Variants in CA3 observed in about 807,000 individuals in gnomAD.
CA3 encodes the protein CA-III.
In CA3, 30 loss-of-function variants were observed where a neutral mutation model predicts 35.7. The ratio of observed to expected loss-of-function variants is 0.84; its 90% CI spans 0.63 to 1.14. The LOEUF is 1.14. Ranked by LOEUF, CA3 falls within the 50% of genes most tolerant of loss-of-function variation. CA3 has a pLI of 0.00. For synonymous variants in CA3, 131 were observed against 130.8 expected (o/e 1.00, Z -0.01); for missense variants, 295 against 328.5 (o/e 0.90, Z 0.79).
In CA3 at chr8:85,445,533, C is replaced by CACACACACAT. The variant is rs1554708008; in HGVS notation, c.507+324_507+325insTACACACACA. 3.9e-3 allele frequency among the ~76,000 whole-genome samples: 546 copies of CACACACACAT among 141,478 alleles called. 39 individuals are homozygous for CACACACACAT. Among genetic ancestry groups the CACACACACAT allele is most frequent in the African/African-American group, 0.013 (494 of 37,648 alleles). 92.8% of individuals were successfully genotyped at this position (141,478 alleles called of 152,430 possible). On this transcript the variant is annotated intron_variant, in intron 5 of 6. Coordinates refer to ENST00000285381, the MANE Select transcript of CA3 (RefSeq NM_005181.4). The stretch of plus-strand genomic sequence containing the variant: ...ACACACACACACACACACACACACA[C>CACACACACAT]ACACACACACACTGCATATATGCAT...
chr8:85,443,150 A>G (rs1322726811), intron 3 of CA3, among the ~76,000 whole-genome samples: 2 of 152,210 alleles, frequency 1.3e-5, no homozygotes, highest in African/African-American at 2.4e-5. Flanking sequence ...AGATATGTGT[A>G]CACACATACC....
In CA3 at chr8:85,448,263, GAGC is replaced by G. The variant is rs1811321382; in HGVS notation, c.*112_*114del. 1 of 1,168,902 alleles carries G rather than the reference GAGC, an allele frequency of 8.6e-7. No homozygotes were observed. Among genetic ancestry groups the G allele is most frequent in the Admixed American group, 2.9e-5 (1 of 34,724 alleles). The allele number at this position is 1,168,902 out of a possible 1,614,324, so 72.4% of individuals were successfully genotyped here. ...CAAGTCTATTTCATTTTTCCACACT[GAGC>G]AATGAATGTGAGAGATGTGGTCACC... is the stretch of plus-strand genomic sequence containing the variant. On this transcript the variant is annotated 3_prime_UTR_variant, in exon 7 of 7. Transcript: ENST00000285381.
At position 85,448,158 on chromosome 8, in the gene CA3, G is replaced by C. The variant is rs1212609697; in HGVS notation, c.*5G>C. ...GTGAGAGCTTCCTTCAAATGAGGCT[G>C]CTGGATCTTGCCCTCTTCAGGAAAG... On this transcript the variant is annotated 3_prime_UTR_variant, in exon 7 of 7. Coordinates refer to ENST00000285381, the MANE Select transcript of CA3 (RefSeq NM_005181.4). 2 of 1,610,798 alleles carry C rather than the reference G, an allele frequency of 1.2e-6. No homozygotes were observed. Among genetic ancestry groups the C allele is most frequent in the African/African-American group, 2.7e-5 (2 of 74,978 alleles).
chr8:85,442,332 C>T lies in CA3; in HGVS notation c.351+141C>T. Reference sequence around the variant, plus strand: ...ATGAAAAGAGCTGTACTAGTTTTAGCTGAACTGAAGCTGCTGAACATTCTA... The same window carrying T: ...ATGAAAAGAGCTGTACTAGTTTTAGTTGAACTGAAGCTGCTGAACATTCTA... On this transcript the variant is annotated intron_variant, in intron 3 of 6. Coordinates refer to ENST00000285381, the MANE Select transcript of CA3 (RefSeq NM_005181.4). 4.6e-6 allele frequency: 3 copies of T among 645,824 alleles called. No individual in the cohort carries two copies. In the Admixed American group the frequency reaches 6.9e-5, roughly 15 times the overall value. 40.0% of individuals were successfully genotyped at this position (645,824 alleles called of 1,614,324 possible).
intron 3 of CA3, among the ~76,000 whole-genome samples, chr8:85,442,691 C>G (rs1258859776): frequency 2.0e-5 from 3 of 152,018 alleles, no homozygotes; most frequent in African/African-American, 7.2e-5. Context: ...CCAGCCTGAG[C>G]AACAGAGTAA....
Position 85,442,184 on chromosome 8 carries a change from C to A in CA3, c.344C>A (p.Ala115Glu). 6.5e-7 allele frequency: 1 copy of A among 1,544,566 alleles called. No individual in the cohort carries two copies. Among genetic ancestry groups the A allele is most frequent in the Non-Finnish European group, 9.0e-7 (1 of 1,116,422 alleles). ...CACACCGTGGATGGAGTCAAGTATGCAGCGGAGGTAAGAGGAACTGCCATA... is the reference window on the plus strand; with the variant it reads ...CACACCGTGGATGGAGTCAAGTATGAAGCGGAGGTAAGAGGAACTGCCATA... ...SEHTVDGVKY[A>E]AELHLVHWNP... Residue 115 changes from alanine (A) to glutamate (E), a missense_variant, in exon 3 of 7, where the codon GCA (alanine) becomes GAA (glutamate). Ala to Glu is a moderately radical substitution (Grantham distance 107). Transcript: ENST00000285381.
Position 85,442,104 on chromosome 8 carries a change from C to T in CA3, c.264C>T (p.Tyr88=), listed in dbSNP as rs1811215745. 1 of 1,603,704 alleles carries T rather than the reference C, an allele frequency of 6.2e-7. No homozygotes were observed. Among genetic ancestry groups the T allele is most frequent in the Non-Finnish European group, 8.5e-7 (1 of 1,170,612 alleles). The change falls in exon 3 of 7, where the codon TAC becomes TAT. Residue 88 remains tyrosine, a synonymous_variant. Transcript: ENST00000285381. The part of the protein sequence containing the change: ...MLRGGPLPGP[Y]RLRQFHLHWG... Reference sequence around the variant, plus strand: ...GAGGGGGTCCTCTCCCTGGACCCTACCGACTTCGCCAGTTTCATCTTCACT... The same window carrying T: ...GAGGGGGTCCTCTCCCTGGACCCTATCGACTTCGCCAGTTTCATCTTCACT...
At chr8:85,440,533 C>T (rs189319102) in intron 2 of CA3, among the ~76,000 whole-genome samples, 1 of 152,264 alleles carries the variant, frequency 6.6e-6, no homozygotes, top group East Asian at 1.9e-4. Context: ...CTGAAAAATA[C>T]ATGTTTAGAA....
chr8:85,443,515 C>T (rs1811235327), intron 3 of CA3, among the ~76,000 whole-genome samples: 1 of 152,154 alleles, frequency 6.6e-6, no homozygotes, highest in Non-Finnish European at 1.5e-5. Flanking sequence ...TGTTTCTTTA[C>T]AGCCAATCTA....
At chr8:85,441,940 G>A (rs769570280) in intron 2 of CA3, 133 bp from the exon 3 acceptor site, 2 of 672,604 alleles carry the variant, frequency 3.0e-6, no homozygotes, top group Non-Finnish European at 5.4e-6. Context: ...CAGTGTCCTG[G>A]GAGTGGCACC....
chr8:85,442,399 A>G (rs57371302), intron 3 of CA3: 59 of 506,880 alleles, frequency 1.2e-4, no homozygotes, highest in African/African-American at 1.1e-3. Context: ...GGCATCAAAC[A>G]TGAAGATTTC....
At position 85,445,314 on chromosome 8, in the gene CA3, C is replaced by A. The variant is rs946793410; in HGVS notation, c.507+96C>A. ...TATTTTTTTCACCTAAAATCTGTTACTAAGTTTGATGGATATGCTAAGCAT... is the reference window on the plus strand; with the variant it reads ...TATTTTTTTCACCTAAAATCTGTTAATAAGTTTGATGGATATGCTAAGCAT... On this transcript the variant is annotated intron_variant, in intron 5 of 6. Coordinates refer to ENST00000285381, the MANE Select transcript of CA3 (RefSeq NM_005181.4). 29 of 757,764 alleles carry A rather than the reference C, an allele frequency of 3.8e-5. 1 individual carries two copies. The highest frequency in any genetic ancestry group is 5.6e-5 in the Non-Finnish European group (26 of 462,900). The allele number at this position is 757,764 out of a possible 1,614,324, so 46.9% of individuals were successfully genotyped here. A position where few individuals can be genotyped will look rare whatever the true frequency, so the allele number is the denominator to read the frequency against.
chr8:85,445,735 T>A (rs1318958339), intron 5 of CA3, among the ~76,000 whole-genome samples: 1 of 152,194 alleles, frequency 6.6e-6, no homozygotes, highest in African/African-American at 2.4e-5. Context: ...TGAGTTTCAT[T>A]AACAGAGAAA....
Position 85,444,040 on chromosome 8 carries a change from T to C in CA3, c.358T>C (p.Leu120=). The C allele has an allele frequency of 6.2e-7, 1 of 1,608,848 alleles. No individual in the cohort carries two copies. The highest frequency in any genetic ancestry group is 8.5e-7 in the Non-Finnish European group (1 of 1,175,146). ...DGVKYAAELH[L]VHWNPKYNTF... Reference sequence around the variant, plus strand: ...CTGTCTTCTATGGTTTCAGCTTCATTTGGTTCACTGGAACCCGAAGTATAA... The same window carrying C: ...CTGTCTTCTATGGTTTCAGCTTCATCTGGTTCACTGGAACCCGAAGTATAA... Residue 120 remains leucine, a synonymous_variant, in exon 4 of 7, where the codon TTG becomes CTG. Coordinates refer to ENST00000285381, the MANE Select transcript of CA3 (RefSeq NM_005181.4).
At position 85,439,749 on chromosome 8, in the gene CA3, G is replaced by A. The variant is rs1361747667; in HGVS notation, c.72G>A (p.Lys24=). Residue 24 remains lysine, a synonymous_variant, in exon 2 of 7, where the codon AAG becomes AAA. Transcript: ENST00000285381. The part of the protein sequence containing the change: ...DHWHELFPNA[K]GENQSPVELH... ...GGCATGAACTTTTCCCAAATGCCAAGGGGGAAAACCAGTCGCCCGTTGAGC... is the reference window on the plus strand; with the variant it reads ...GGCATGAACTTTTCCCAAATGCCAAAGGGGAAAACCAGTCGCCCGTTGAGC... The A allele has an allele frequency of 1.2e-6, 2 of 1,613,932 alleles. No individual in the cohort carries two copies. The highest frequency in any genetic ancestry group is 2.2e-5 in the South Asian group (2 of 91,082).
Position 85,438,879 on chromosome 8 carries a change from C to G in CA3, c.-31C>G, listed in dbSNP as rs1288940528. On this transcript the variant is annotated 5_prime_UTR_variant, in exon 1 of 7. Transcript: ENST00000285381. ...CTGCACCACGCAGGGGAAGAGAAAG[C>G]AGGAGCCGTCCAGCACGGAGGAAGG... 21 of 1,550,594 alleles carry G rather than the reference C, an allele frequency of 1.4e-5. No homozygotes were observed. Among genetic ancestry groups the G allele is most frequent in the Non-Finnish European group, 2.6e-6 (3 of 1,146,884 alleles).
rs1325137109 is a variant in CA3 at position 85,448,314 on chromosome 8, A to G, written c.*161A>G. On this transcript the variant is annotated 3_prime_UTR_variant, in exon 7 of 7. Transcript: ENST00000285381. ...ACCAAGATCTAAGTTACTTGTTGAA[A>G]GAAAGTTACTTTCGACAAGATCTAA... The G allele has an allele frequency of 1.7e-6, 1 of 604,936 alleles. No homozygotes were observed. The highest frequency in any genetic ancestry group is 1.9e-5 in the African/African-American group (1 of 53,156). The allele number at this position is 604,936 out of a possible 1,614,324, so 37.5% of individuals were successfully genotyped here.
chr8:85,445,326 G>A (rs1695018666), intron 5 of CA3, 108 bp downstream of exon 5: 2 of 659,206 alleles, frequency 3.0e-6, no homozygotes, highest in Non-Finnish European at 5.2e-6. Context: ...AAGTTTGATG[G>A]ATATGCTAAG....
Position 85,446,283 on chromosome 8 carries a change from G to C in CA3, c.649G>C (p.Val217Leu). 1 of 1,613,308 alleles carries C rather than the reference G, an allele frequency of 6.2e-7. No individual in the cohort carries two copies. Among genetic ancestry groups the C allele is most frequent in the Non-Finnish European group, 8.5e-7 (1 of 1,179,416 alleles). The change falls in exon 6 of 7, where the codon GTG becomes CTG. Residue 217 changes from valine (V) to leucine (L), a missense_variant. By Grantham distance (32) the Val-to-Leu change is conservative. Transcript: ENST00000285381. ...VWLLLKEPMT[V>L]SSDQMAKLRS... ...GCTGCTGCTGAAGGAGCCCATGACC[G>C]TGAGCTCTGACCAGGTGAGCAGCCT... is the stretch of plus-strand genomic sequence containing the variant.
Sources: gnomAD v4.1 joint callset for allele counts (sites outside exome capture counted in the v4.1 genomes callset) on GRCh38, gnomAD v4.1.1 for gene constraint, MANE v1.5 for transcripts, NCBI Gene and HGNC (gene_info 2026-07-23, HGNC 2026-07-21) for gene names.